The following MTUS2 variants were observed in gnomAD, a reference collection of about 807,000 sequenced individuals.
MTUS2 encodes microtubule-associated tumor suppressor candidate 2.
Under a neutral mutation model 114.1 loss-of-function variants are expected in MTUS2, and 40 were observed. The observed-to-expected ratio is 0.35, with a 90% CI of 0.27 to 0.46. MTUS2 has a LOEUF of 0.46. MTUS2 is among the 20% of genes least tolerant of loss of function. MTUS2 has a pLI of 1.00. For missense variants in MTUS2, 1,679 were observed against 1,705.4 expected, an observed-to-expected ratio of 0.98 and a Z score of 0.27; for synonymous variants, 688 against 672.0, an observed-to-expected ratio of 1.02 and a Z score of -0.37.
At chr13:28,933,023 T>G (rs1881697900) in intron 2 of MTUS2, among the ~76,000 whole-genome samples, 1 of 152,178 alleles carries the variant, frequency 6.6e-6, no homozygotes, top group African/African-American at 2.4e-5. Context: ...GTTCTCACAT[T>G]GTGTTGTGTG....
intron 5 of MTUS2, among the ~76,000 whole-genome samples, chr13:29,166,227 G>A (rs892331771): frequency 6.6e-6 from 1 of 152,154 alleles, no homozygotes; most frequent in South Asian, 2.1e-4. Context: ...TTTACTTCTG[G>A]ATTGGAAACA....
intron 5 of MTUS2, among the ~76,000 whole-genome samples, chr13:29,143,054 A>G (rs901489043): frequency 1.3e-5 from 2 of 152,210 alleles, no homozygotes; most frequent in African/African-American, 4.8e-5. Flanking sequence ...AACAAAGCCA[A>G]CATGTTTGTA....
At chr13:29,465,864 T>G (rs17073456) in intron 9 of MTUS2, among the ~76,000 whole-genome samples, 3,458 of 152,336 alleles carry the variant, frequency 0.023, 116 homozygotes, top group African/African-American at 0.074. Context: ...CTGTCTTTGT[T>G]ACTAAGTTAG....
At chr13:28,844,998 C>T (rs1049525916) in intron 2 of MTUS2, among the ~76,000 whole-genome samples, 40 of 152,112 alleles carry the variant, frequency 2.6e-4, no homozygotes, top group Non-Finnish European at 2.9e-5. Flanking sequence ...CCTTATCACC[C>T]AGGCTGGAGT....
intron 12 of MTUS2, 23 bp downstream of exon 12, chr13:29,492,742 T>C: frequency 6.3e-7 from 1 of 1,575,144 alleles, no homozygotes; most frequent in Non-Finnish European, 8.7e-7. Context: ...TTAATTTTCT[T>C]ACCTGGTATC....
intron 4 of MTUS2, among the ~76,000 whole-genome samples, chr13:29,099,825 A>G (rs1464915254): frequency 6.6e-6 from 1 of 152,164 alleles, no homozygotes; most frequent in African/African-American, 2.4e-5. Flanking sequence ...TATTGACAAT[A>G]TTGTGATTCT....
chr13:29,312,926 T>C (rs1021918145), intron 6 of MTUS2, among the ~76,000 whole-genome samples: 3 of 152,200 alleles, frequency 2.0e-5, no homozygotes, highest in African/African-American at 7.2e-5. Context: ...AAAAAGCTAT[T>C]TCAAAATGTC....
chr13:29,380,205 T>C (rs1056935963), intron 8 of MTUS2, among the ~76,000 whole-genome samples: 9 of 152,120 alleles, frequency 5.9e-5, no homozygotes, highest in African/African-American at 2.2e-4. Context: ...CACTCAGTTC[T>C]CAAGGCACCC....
rs149231285 is a variant in MTUS2 at position 28,922,974 on chromosome 13, G to A, written c.-243+83124G>A. 8.0e-4 allele frequency among the ~76,000 whole-genome samples: 121 copies of A among 152,168 alleles called. 1 individual carries two copies. The highest frequency in any genetic ancestry group is 1.2e-3 in the Non-Finnish European group (80 of 68,028). On this transcript the variant is annotated intron_variant, in intron 2 of 15. Coordinates refer to ENST00000612955, the MANE Select transcript of MTUS2 (RefSeq NM_001033602.4). Reference sequence around the variant, plus strand: ...TTTCCTTTCCTTCTGAAACTCCAGCGATACAAATGTTGGACCTTTTTCTGT... The same window carrying A: ...TTTCCTTTCCTTCTGAAACTCCAGCAATACAAATGTTGGACCTTTTTCTGT...
chr13:28,976,975 G>A (rs961234809), intron 2 of MTUS2, among the ~76,000 whole-genome samples: 12 of 152,168 alleles, frequency 7.9e-5, no homozygotes, highest in Middle Eastern at 3.4e-3. Flanking sequence ...AGAGAGAAGG[G>A]GCTTAGGTTT....
chr13:28,905,666 T>C (rs1437860156), intron 2 of MTUS2, among the ~76,000 whole-genome samples: 1 of 151,652 alleles, frequency 6.6e-6, no homozygotes. Context: ...CAGTATTTTA[T>C]TGAGGATTTT....
At chr13:29,359,058 C>T (rs1054862842) in intron 7 of MTUS2, among the ~76,000 whole-genome samples, 4 of 151,840 alleles carry the variant, frequency 2.6e-5, no homozygotes, top group African/African-American at 9.7e-5. Context: ...TTTCCAAGCA[C>T]GAAACCTTGC....
intron 5 of MTUS2, among the ~76,000 whole-genome samples, chr13:29,237,507 C>T (rs539300148): frequency 6.6e-6 from 1 of 152,228 alleles, no homozygotes; most frequent in South Asian, 2.1e-4. Context: ...ACCTGCATGT[C>T]CTGATTTTTG....
At chr13:29,027,374 T>C (rs1886604836) in intron 3 of MTUS2, among the ~76,000 whole-genome samples, 1 of 152,186 alleles carries the variant, frequency 6.6e-6, no homozygotes, top group Admixed American at 6.5e-5. Flanking sequence ...AAACGGTGTG[T>C]TAGGCATGGA....
At chr13:29,311,880 A>C (rs1899781288) in intron 6 of MTUS2, among the ~76,000 whole-genome samples, 1 of 152,166 alleles carries the variant, frequency 6.6e-6, no homozygotes, top group South Asian at 2.1e-4. Flanking sequence ...CACTGGAGGG[A>C]AACTTAGTAA....
At chr13:29,281,947 A>G in intron 6 of MTUS2, 82 bp downstream of exon 6, 1 of 1,411,024 alleles carries the variant, frequency 7.1e-7, no homozygotes, top group Admixed American at 2.4e-5. Context: ...GCCCCTGTGT[A>G]CATCAGTTAT....
At chr13:29,215,783 C>T (rs910573558) in intron 5 of MTUS2, among the ~76,000 whole-genome samples, 3 of 152,168 alleles carry the variant, frequency 2.0e-5, no homozygotes, top group Non-Finnish European at 4.4e-5. Context: ...CACATGCCAG[C>T]CAGAGCTCTC....
At chr13:29,471,012 T>G (rs116806332) in intron 9 of MTUS2, among the ~76,000 whole-genome samples, 1,815 of 152,294 alleles carry the variant, frequency 0.012, 37 homozygotes, top group African/African-American at 0.041. Context: ...TATTTCACTT[T>G]CTTTACTGCA....
At chr13:28,956,255 C>T (rs983912161) in intron 2 of MTUS2, among the ~76,000 whole-genome samples, 5 of 152,076 alleles carry the variant, frequency 3.3e-5, no homozygotes, top group South Asian at 2.1e-4. Context: ...AGATCATTTC[C>T]GCCATGGTTG....
Sources: allele counts gnomAD v4.1 joint callset (sites outside exome capture counted in the v4.1 genomes callset), GRCh38; gene constraint gnomAD v4.1.1; transcripts MANE v1.5; gene names NCBI Gene and HGNC (gene_info 2026-07-23, HGNC 2026-07-21).